SMYD3: variants seen among roughly 807,000 people sequenced by gnomAD.
The protein encoded by SMYD3 is histone-lysine N-methyltransferase SMYD3.
SMYD3 carries 36 observed loss-of-function variants against 57.7 expected under a neutral mutation model. That is an observed-to-expected ratio of 0.62 (90% CI 0.48 to 0.82). SMYD3 has a LOEUF of 0.82. SMYD3 is among the 40% of genes least tolerant of loss of function. The pLI is 0.00. For missense variants in SMYD3, 515 were observed against 538.8 expected, an observed-to-expected ratio of 0.96 and a Z score of 0.44; for synonymous variants, 211 against 195.0, an observed-to-expected ratio of 1.08 and a Z score of -0.68.
At chr1:246,280,055 T>A (rs1055606900) in intron 5 of SMYD3, among the ~76,000 whole-genome samples, 1 of 152,178 alleles carries the variant, frequency 6.6e-6, no homozygotes, top group Non-Finnish European at 1.5e-5. Context: ...ATGCCATACA[T>A]TAGGTTGCAA....
chr1:246,394,457 A>G (rs778277868), intron 1 of SMYD3, among the ~76,000 whole-genome samples: 10 of 152,240 alleles, frequency 6.6e-5, no homozygotes, highest in Non-Finnish European at 1.5e-4. Context: ...TACAGCAGGA[A>G]CCTATGGCAG....
intron 5 of SMYD3, among the ~76,000 whole-genome samples, chr1:246,154,418 A>C (rs2061989671): frequency 6.6e-6 from 1 of 152,168 alleles, no homozygotes; most frequent in South Asian, 2.1e-4. Context: ...TTAAGTCTTC[A>C]GAATTTGACC....
At chr1:246,360,358 T>C (rs751945262) in intron 1 of SMYD3, among the ~76,000 whole-genome samples, 2 of 152,112 alleles carry the variant, frequency 1.3e-5, no homozygotes, top group Non-Finnish European at 2.9e-5. Context: ...AGAATCAATA[T>C]TGTGAAAATG....
intron 5 of SMYD3, among the ~76,000 whole-genome samples, chr1:246,197,896 A>C: frequency 6.6e-6 from 1 of 152,346 alleles, no homozygotes; most frequent in Non-Finnish European, 1.5e-5. Flanking sequence ...AAATTTAAAC[A>C]GTCTTTCCAA....
At chr1:246,022,552 C>T (rs529651813) in intron 5 of SMYD3, among the ~76,000 whole-genome samples, 11 of 152,198 alleles carry the variant, frequency 7.2e-5, no homozygotes, top group East Asian at 1.9e-4. Flanking sequence ...TTGACATATA[C>T]GAGCTCAATA....
Position 245,993,659 on chromosome 1 carries a change from CAGACAGAT to C in SMYD3, c.532-63730_532-63723del, listed in dbSNP as rs1405025618. On this transcript the variant is annotated intron_variant, in intron 5 of 11. Transcript: ENST00000490107. Reference sequence around the variant, plus strand: ...ACAGACAGACAGACAGACAGACAGACAGACAGATATAGATTCCATTTACATGAGGGACC... The same window carrying C: ...ACAGACAGACAGACAGACAGACAGACATAGATTCCATTTACATGAGGGACC... Among the ~76,000 whole-genome samples the C allele has an allele frequency of 2.7e-3, 303 of 113,810 alleles. 1 individual carries two copies. Among genetic ancestry groups the C allele is most frequent in the African/African-American group, 8.8e-3 (261 of 29,566 alleles). 74.7% of individuals were successfully genotyped at this position (113,810 alleles called of 152,430 possible). A position where few individuals can be genotyped will look rare whatever the true frequency, so the allele number is the denominator to read the frequency against.
At chr1:246,419,061 G>A (rs367718411) in intron 1 of SMYD3, among the ~76,000 whole-genome samples, 13 of 151,608 alleles carry the variant, frequency 8.6e-5, no homozygotes, top group African/African-American at 1.5e-4. Flanking sequence ...ATATTCCTCC[G>A]CCCTTGAGAA....
intron 10 of SMYD3, among the ~76,000 whole-genome samples, chr1:245,831,418 C>T (rs1489853620): frequency 3.3e-5 from 5 of 152,292 alleles, no homozygotes; most frequent in East Asian, 3.9e-4. Context: ...ATGAATATTT[C>T]GGGGTAAACC....
intron 7 of SMYD3, among the ~76,000 whole-genome samples, chr1:245,923,768 A>G (rs904282218): frequency 6.6e-6 from 1 of 152,142 alleles, no homozygotes; most frequent in African/African-American, 2.4e-5. Flanking sequence ...ACCACTGTGC[A>G]TCTTAATTCT....
At chr1:246,337,972 C>T (rs2333902) in intron 2 of SMYD3, among the ~76,000 whole-genome samples, 130,220 of 151,748 alleles carry the variant, frequency 0.86, 56,184 homozygotes, top group African/African-American at 0.92. Context: ...TATAGAGCTC[C>T]TTTTCTCAAC....
At chr1:245,912,876 A>C (rs2055102011) in intron 8 of SMYD3, among the ~76,000 whole-genome samples, 1 of 152,210 alleles carries the variant, frequency 6.6e-6, no homozygotes, top group African/African-American at 2.4e-5. Context: ...AACTACTGTG[A>C]GCCTGGAAAC....
chr1:245,893,744 C>T (rs9728343), intron 8 of SMYD3, among the ~76,000 whole-genome samples: 85,326 of 138,986 alleles, frequency 0.61, 27,278 homozygotes, highest in Non-Finnish European at 0.75. Context: ...GGTGATAGAA[C>T]GCTTCTCTAT....
At chr1:246,238,557 C>T (rs909972314) in intron 5 of SMYD3, among the ~76,000 whole-genome samples, 7 of 152,226 alleles carry the variant, frequency 4.6e-5, no homozygotes, top group African/African-American at 1.7e-4. Flanking sequence ...TGGAACAGCT[C>T]CACAGGGGAG....
intron 5 of SMYD3, among the ~76,000 whole-genome samples, chr1:246,071,270 G>A (rs1302556415): frequency 2.6e-5 from 4 of 152,170 alleles, no homozygotes; most frequent in Admixed American, 2.0e-4. Context: ...GAGTGGGGAT[G>A]TGTAATGCTG....
intron 1 of SMYD3, among the ~76,000 whole-genome samples, chr1:246,462,779 G>A (rs1403941249): frequency 6.6e-6 from 1 of 152,074 alleles, no homozygotes; most frequent in Non-Finnish European, 1.5e-5. Context: ...TAGTAAATAA[G>A]AAATGAGAAT....
At chr1:246,044,674 C>T (rs1488133979) in intron 5 of SMYD3, among the ~76,000 whole-genome samples, 1 of 152,056 alleles carries the variant, frequency 6.6e-6, no homozygotes, top group Non-Finnish European at 1.5e-5. Context: ...GTAATGAGGT[C>T]CCATATGTAC....
intron 5 of SMYD3, among the ~76,000 whole-genome samples, chr1:246,127,122 A>T (rs1032334752): frequency 6.6e-6 from 1 of 152,142 alleles, no homozygotes; most frequent in Non-Finnish European, 1.5e-5. Flanking sequence ...TGTAAAGGAA[A>T]ATATCATTTG....
At chr1:246,159,500 A>C (rs2062079173) in intron 5 of SMYD3, among the ~76,000 whole-genome samples, 1 of 152,142 alleles carries the variant, frequency 6.6e-6, no homozygotes, top group Non-Finnish European at 1.5e-5. Context: ...TGTCCCACAG[A>C]TACAGTAAAG....
chr1:246,217,734 A>G (rs1035911167), intron 5 of SMYD3, among the ~76,000 whole-genome samples: 12 of 152,216 alleles, frequency 7.9e-5, no homozygotes, highest in African/African-American at 1.9e-4. Context: ...GAAAAAAAAT[A>G]CCATCTAGAA....
Sources: gnomAD v4.1 joint callset for allele counts (sites outside exome capture counted in the v4.1 genomes callset) on GRCh38, gnomAD v4.1.1 for gene constraint, MANE v1.5 for transcripts, NCBI Gene and HGNC (gene_info 2026-07-23, HGNC 2026-07-21) for gene names.